The following LARGE1 variants were observed in gnomAD, a reference collection of about 807,000 sequenced individuals.
The protein encoded by LARGE1 is LARGE xylosyl- and glucuronyltransferase 1.
In LARGE1, 43 loss-of-function variants were observed where a neutral mutation model predicts 87.6. That is an observed-to-expected ratio of 0.49 (90% CI 0.38 to 0.63). The LOEUF is 0.63. Among genes scored for constraint, LARGE1 ranks in the 30% least tolerant of loss-of-function variants. LARGE1 has a pLI of 0.00. For missense variants in LARGE1, 802 were observed against 1,000.2 expected (o/e 0.80, Z 2.67); for synonymous variants, 434 against 394.6 (o/e 1.10, Z -1.18).
At chr22:33,225,606 G>A (rs1925694048) in intron 11 of LARGE1, among the ~76,000 whole-genome samples, 1 of 151,878 alleles carries the variant, frequency 6.6e-6, no homozygotes, top group Non-Finnish European at 1.5e-5. Flanking sequence ...TACATGTGCA[G>A]GTTTGTTATA....
intron 11 of LARGE1, among the ~76,000 whole-genome samples, chr22:33,222,377 C>G (rs1402304858): frequency 1.3e-5 from 2 of 152,134 alleles, no homozygotes; most frequent in Non-Finnish European, 2.9e-5. Flanking sequence ...GAGCATTTAT[C>G]CTCCATTCTT....
chr22:33,807,681 C>T (rs1011020681), intron 1 of LARGE1, among the ~76,000 whole-genome samples: 1 of 152,216 alleles, frequency 6.6e-6, no homozygotes, highest in Non-Finnish European at 1.5e-5. Flanking sequence ...CTCTTCCCAA[C>T]CCCTGGCAAC....
chr22:33,090,577 G>A, the LARGE1 span, among the ~76,000 whole-genome samples: 10 of 152,182 alleles, frequency 6.6e-5, no homozygotes, highest in South Asian at 2.1e-3. Flanking sequence ...AGCACAGCAA[G>A]GAAGCTGATG....
intron 1 of LARGE1, among the ~76,000 whole-genome samples, chr22:33,906,007 G>A (rs2146931595): frequency 6.6e-6 from 1 of 152,274 alleles, no homozygotes; most frequent in South Asian, 2.1e-4. Context: ...GCAGGCGCCT[G>A]TAGTCCCAGC....
chr22:33,706,817 A>G (rs2267265), intron 2 of LARGE1, among the ~76,000 whole-genome samples: 30,504 of 152,110 alleles, frequency 0.2, 3,189 homozygotes, highest in East Asian at 0.21. Context: ...AATTCTTCCT[A>G]ATCCATGACA....
intron 11 of LARGE1, among the ~76,000 whole-genome samples, chr22:33,178,014 T>C (rs1213161703): frequency 1.3e-5 from 2 of 152,194 alleles, no homozygotes; most frequent in Non-Finnish European, 2.9e-5. Context: ...CTTTCCGCCA[T>C]GATTGCGAGA....
the LARGE1 span, chr22:33,137,131 G>A: frequency 2.0e-5 from 3 of 152,120 alleles, no homozygotes; most frequent in African/African-American, 7.2e-5. Flanking sequence ...AAATGCCCCT[G>A]TCCTGATATA....
At position 33,903,909 on chromosome 22, in the gene LARGE1, G is replaced by A. The variant is rs115571164; in HGVS notation, c.-83+16086C>T. 2.2e-3 allele frequency among the ~76,000 whole-genome samples: 335 copies of A among 152,294 alleles called. 1 individual carries two copies. Among genetic ancestry groups the A allele is most frequent in the African/African-American group, 7.8e-3 (323 of 41,572 alleles). On this transcript the variant is annotated intron_variant, in intron 1 of 14. Transcript: ENST00000397394. Reference sequence around the variant, plus strand: ...CACTGACACCACTGTGTCAATGGGCGGATGAGTATCCTAGCAGGGAAAGTG... The same window carrying A: ...CACTGACACCACTGTGTCAATGGGCAGATGAGTATCCTAGCAGGGAAAGTG...
chr22:33,460,157 A>C (rs2068315752), intron 6 of LARGE1, among the ~76,000 whole-genome samples: 1 of 152,224 alleles, frequency 6.6e-6, no homozygotes, highest in Non-Finnish European at 1.5e-5. Flanking sequence ...GGCGAAATGC[A>C]ATTTCCTCCT....
chr22:33,553,992 A>G (rs1463260520), intron 6 of LARGE1, among the ~76,000 whole-genome samples: 1 of 152,114 alleles, frequency 6.6e-6, no homozygotes, highest in Non-Finnish European at 1.5e-5. Flanking sequence ...CCCACCCAGT[A>G]AGCAGCACAG....
At chr22:33,868,151 C>T (rs1345643248) in intron 1 of LARGE1, among the ~76,000 whole-genome samples, 1 of 152,144 alleles carries the variant, frequency 6.6e-6, no homozygotes, top group Non-Finnish European at 1.5e-5. Context: ...AGACTTCGTT[C>T]CAAATGGTGA....
At chr22:33,312,204 G>A (rs187003200) in intron 11 of LARGE1, among the ~76,000 whole-genome samples, 79 of 152,208 alleles carry the variant, frequency 5.2e-4, no homozygotes, top group Admixed American at 4.8e-3. Flanking sequence ...TGCACTTTGG[G>A]AGGCCAAGGT....
At chr22:33,259,365 G>GAC (rs141520113) in intron 11 of LARGE1, among the ~76,000 whole-genome samples, 11 of 149,550 alleles carry the variant, frequency 7.4e-5, no homozygotes, top group African/African-American at 2.0e-4. Flanking sequence ...CACATGCACG[G>GAC]ACACACACAC....
At chr22:33,629,161 A>G (rs927465391) in intron 3 of LARGE1, among the ~76,000 whole-genome samples, 3 of 152,210 alleles carry the variant, frequency 2.0e-5, no homozygotes, top group African/African-American at 7.2e-5. Flanking sequence ...AAGACTCAGG[A>G]TGAAAGATTA....
chr22:33,282,301 C>T (rs185052317), intron 13 of LARGE1, among the ~76,000 whole-genome samples: 366 of 152,318 alleles, frequency 2.4e-3, no homozygotes, highest in African/African-American at 8.3e-3. Context: ...GCCGAGACCA[C>T]GCCATTGCAC....
At chr22:33,078,831 C>T in the LARGE1 span, among the ~76,000 whole-genome samples, 1 of 152,176 alleles carries the variant, frequency 6.6e-6, no homozygotes, top group Non-Finnish European at 1.5e-5. Flanking sequence ...TAAGTGACTG[C>T]CTCAAAGGAG....
At chr22:33,756,792 T>A (rs1390698445) in intron 2 of LARGE1, among the ~76,000 whole-genome samples, 1 of 152,102 alleles carries the variant, frequency 6.6e-6, no homozygotes. Flanking sequence ...CTGTTGTGCT[T>A]AGTCCTGATC....
intron 1 of LARGE1, among the ~76,000 whole-genome samples, chr22:33,793,564 G>A (rs561739255): frequency 6.6e-6 from 1 of 152,254 alleles, no homozygotes; most frequent in African/African-American, 2.4e-5. Context: ...GGCACAGGCT[G>A]TGAGAAGTGA....
intron 1 of LARGE1, among the ~76,000 whole-genome samples, chr22:33,767,048 T>A (rs1275371527): frequency 1.3e-5 from 2 of 150,526 alleles, no homozygotes; most frequent in Non-Finnish European, 3.0e-5. Context: ...GCACAGTGGC[T>A]CACACCTGTA....
Sources: allele counts gnomAD v4.1 joint callset (sites outside exome capture counted in the v4.1 genomes callset), GRCh38; gene constraint gnomAD v4.1.1; transcripts MANE v1.5; gene names NCBI Gene and HGNC (gene_info 2026-07-23, HGNC 2026-07-21).